The following NCF2 variants were observed in gnomAD, a reference collection of about 807,000 sequenced individuals.
NCF2 encodes the protein neutrophil cytosol factor 2.
NCF2 carries 45 observed loss-of-function variants against 70.9 expected under a neutral mutation model. That is an observed-to-expected ratio of 0.63 (90% CI 0.50 to 0.81). The LOEUF (loss-of-function observed/expected upper bound fraction) is 0.81, where lower values mean the gene tolerates loss of function less well. Among genes scored for constraint, NCF2 ranks in the 40% least tolerant of loss-of-function variants. The pLI is 0.00. For synonymous variants in NCF2, 203 were observed against 233.6 expected (o/e 0.87, Z 1.19); for missense variants, 522 against 631.6 (o/e 0.83, Z 1.86).
intron 7 of NCF2, among the ~76,000 whole-genome samples, chr1:183,568,176 T>A (rs1672395646): frequency 6.6e-6 from 1 of 151,986 alleles, no homozygotes; most frequent in Non-Finnish European, 1.5e-5. Context: ...CACTTTTTTT[T>A]TTTTGAGACG....
At chr1:183,575,867 G>A (rs113805839) in intron 3 of NCF2, among the ~76,000 whole-genome samples, 100 of 152,256 alleles carry the variant, frequency 6.6e-4, no homozygotes, top group Non-Finnish European at 1.2e-3. Flanking sequence ...GCTGAATGGT[G>A]GGGGCCAGGA....
In NCF2 at chr1:183,573,124, AC is replaced by A. The variant is rs1318090954; in HGVS notation, c.609+60del. ...TACCCTCTTCTCAAGAGTCCCTCCC[AC>A]CTTGCTCCACATGGCCCGGGCCACA... On this transcript the variant is annotated intron_variant, in intron 5 of 14. Coordinates refer to ENST00000367535, the MANE Select transcript of NCF2 (RefSeq NM_000433.4). The A allele has an allele frequency of 2.0e-6, 3 of 1,479,202 alleles. No homozygotes were observed. In the Admixed American group the frequency reaches 5.0e-5, roughly 25 times the overall value. 91.6% of individuals were successfully genotyped at this position (1,479,202 alleles called of 1,614,324 possible).
chr1:183,579,738 CAA>C (rs397982209), intron 2 of NCF2, among the ~76,000 whole-genome samples: 5 of 38,860 alleles, frequency 1.3e-4, no homozygotes, highest in African/African-American at 3.9e-4. Flanking sequence ...GACTCTGTCT[CAA>C]AAAAAAAAAA....
chr1:183,575,122 T>TCC (rs1245163812), intron 3 of NCF2, among the ~76,000 whole-genome samples: 7 of 152,162 alleles, frequency 4.6e-5, no homozygotes, highest in Non-Finnish European at 7.3e-5. Context: ...AGATGCAACC[T>TCC]CCTGTACCAG....
intron 10 of NCF2, among the ~76,000 whole-genome samples, chr1:183,564,697 G>A (rs928572997): frequency 2.6e-5 from 4 of 152,086 alleles, no homozygotes; most frequent in Non-Finnish European, 4.4e-5. Context: ...ATCATCCTAG[G>A]TTTATATGTG....
At chr1:183,561,231 T>C (rs1251426606) in intron 13 of NCF2, among the ~76,000 whole-genome samples, 4 of 152,218 alleles carry the variant, frequency 2.6e-5, no homozygotes, top group African/African-American at 9.6e-5. Context: ...AAATCAACAT[T>C]AGAAATGCTG....
intron 6 of NCF2, among the ~76,000 whole-genome samples, chr1:183,569,650 G>A (rs555238676): frequency 3.3e-5 from 5 of 152,228 alleles, no homozygotes; most frequent in East Asian, 1.9e-4. Flanking sequence ...GTGCAGTGGC[G>A]CGATCTTGGC....
chr1:183,557,881 A>ATT (rs796710510), intron 14 of NCF2, among the ~76,000 whole-genome samples: 4 of 146,966 alleles, frequency 2.7e-5, no homozygotes, highest in African/African-American at 7.4e-5. Context: ...TACTACTCAT[A>ATT]TTTTTTTTTT....
At chr1:183,590,759 T>C, upstream of NCF2, 1 of 241,904 alleles carries the variant, frequency 4.1e-6, no homozygotes, top group Non-Finnish European at 8.4e-6. Context: ...CCTTGGCAGG[T>C]AGAGGCACCT....
In NCF2 at chr1:183,586,977, C is replaced by A; in HGVS notation, c.175G>T (p.Ala59Ser). 1.2e-6 allele frequency: 2 copies of A among 1,613,732 alleles called. No individual in the cohort carries two copies. Among genetic ancestry groups the A allele is most frequent in the Non-Finnish European group, 1.7e-6 (2 of 1,179,710 alleles). ...ILKNMTEAEKAFTRSINRDKH... is the reference protein window; with the variant it reads ...ILKNMTEAEKSFTRSINRDKH... ...TCTCGGTTAATGCTTCTGGTAAAGG[C>A]CTGAGGAGAGAAGGGTCCAGACATG... Residue 59 changes from alanine to serine, a missense_variant and splice_region_variant, in exon 2 of 15, where the codon GCC (alanine) becomes TCC (serine). Transcript: ENST00000367535.
At chr1:183,572,879 G>T (rs1672629843) in intron 5 of NCF2, among the ~76,000 whole-genome samples, 1 of 152,128 alleles carries the variant, frequency 6.6e-6, no homozygotes, top group Non-Finnish European at 1.5e-5. Flanking sequence ...TTCACATTTA[G>T]TGAGCTCCTC....
chr1:183,587,753 T>C (rs532527525), intron 1 of NCF2, among the ~76,000 whole-genome samples: 4 of 152,164 alleles, frequency 2.6e-5, no homozygotes, highest in African/African-American at 9.6e-5. Flanking sequence ...ATTTTAAAAA[T>C]GGACTTGACA....
chr1:183,576,533 A>G lies in NCF2; in HGVS notation c.366+1066T>C, dbSNP rs530621065. ...AAAGTTCCCACGATGCGCAGGACGC[A>G]CCACAACCCCTCTCTCGCCTCTGCT... On this transcript the variant is annotated intron_variant, in intron 3 of 14. Transcript: ENST00000367535. Among the ~76,000 whole-genome samples, 4 of 152,340 alleles carry G rather than the reference A, an allele frequency of 2.6e-5. No individual in the cohort carries two copies. In the East Asian group the frequency reaches 5.8e-4, roughly 22 times the overall value.
chr1:183,585,503 T>C (rs1390965471), intron 2 of NCF2, among the ~76,000 whole-genome samples: 3 of 151,822 alleles, frequency 2.0e-5, no homozygotes, highest in East Asian at 3.9e-4. Flanking sequence ...CGGGCACCTG[T>C]AATCCCAGCT....
At chr1:183,576,926 G>A (rs12753665) in intron 3 of NCF2, among the ~76,000 whole-genome samples, 52,819 of 151,988 alleles carry the variant, frequency 0.35, 9,335 homozygotes, top group East Asian at 0.55. Flanking sequence ...GGTGGGAAGG[G>A]CCAACCGGAA....
intron 13 of NCF2, among the ~76,000 whole-genome samples, chr1:183,562,077 C>T (rs1672087637): frequency 6.6e-6 from 1 of 151,990 alleles, no homozygotes; most frequent in Non-Finnish European, 1.5e-5. Flanking sequence ...AAGTGAAAGC[C>T]TGCTTTGTTG....
At chr1:183,581,207 A>G (rs1392912411) in intron 2 of NCF2, among the ~76,000 whole-genome samples, 1 of 147,960 alleles carries the variant, frequency 6.8e-6, no homozygotes, top group African/African-American at 2.5e-5. Context: ...ACCTGAGCCC[A>G]GGAAGTCAAG....
the NCF2 span, among the ~76,000 whole-genome samples, chr1:183,601,142 C>A: frequency 6.6e-6 from 1 of 152,330 alleles, no homozygotes; most frequent in Non-Finnish European, 1.5e-5. Flanking sequence ...TGGTATTCTT[C>A]CCTCAGAGAA....
intron 13 of NCF2, among the ~76,000 whole-genome samples, 178 bp downstream of exon 13, chr1:183,563,017 C>T (rs1460984456): frequency 6.6e-6 from 1 of 152,098 alleles, no homozygotes; most frequent in Non-Finnish European, 1.5e-5. Context: ...AAACTCTCTC[C>T]CTGCTGCAAA....
Sources: gnomAD v4.1 joint callset for allele counts (sites outside exome capture counted in the v4.1 genomes callset) on GRCh38, gnomAD v4.1.1 for gene constraint, MANE v1.5 for transcripts, NCBI Gene and HGNC (gene_info 2026-07-23, HGNC 2026-07-21) for gene names.